GPR160: variants seen among roughly 807,000 people sequenced by gnomAD.
GPR160 encodes G protein-coupled receptor 160.
A neutral mutation model predicts 2.6 loss-of-function variants in GPR160; 2 were observed. The observed-to-expected ratio is 0.77, with a 90% CI of 0.32 to 2.44. The LOEUF is 2.44. GPR160 is among the 30% of genes most tolerant of loss of function. GPR160 has a pLI of 0.11. For missense variants in GPR160, 351 were observed against 383.6 expected (o/e 0.91, Z 0.71); for synonymous variants, 130 against 132.2 (o/e 0.98, Z 0.12).
At chr3:170,080,022 G>T (rs140268918) in intron 3 of GPR160, 125 bp downstream of exon 3, 3 of 152,210 alleles carry the variant, frequency 2.0e-5, no homozygotes, top group Admixed American at 2.0e-4. Context: ...GGGCCAGATC[G>T]TAAAGCAAGA....
chr3:170,062,851 G>C (rs2108328983), intron 2 of GPR160: 1 of 497,550 alleles, frequency 2.0e-6, no homozygotes, highest in East Asian at 4.0e-5. Context: ...AGTGAAGACT[G>C]ACCTCATCAA....
intron 2 of GPR160, among the ~76,000 whole-genome samples, chr3:170,039,780 T>TA (rs1335861774): frequency 1.3e-5 from 2 of 152,250 alleles, no homozygotes; most frequent in Non-Finnish European, 2.9e-5. Context: ...AAGGAAATTA[T>TA]AATAGTTCTG....
At chr3:170,056,224 GC>G (rs1711638402) in intron 2 of GPR160, among the ~76,000 whole-genome samples, 1 of 152,154 alleles carries the variant, frequency 6.6e-6, no homozygotes, top group African/African-American at 2.4e-5. Context: ...TGTAGAATTT[GC>G]AGTCAATAAA....
chr3:170,054,187 T>C (rs1417344864), intron 2 of GPR160, among the ~76,000 whole-genome samples: 2 of 151,562 alleles, frequency 1.3e-5, no homozygotes, highest in African/African-American at 4.8e-5. Context: ...TCATCATTAT[T>C]AGTCTCATGC....
chr3:170,080,648 T>C (rs191775635), intron 3 of GPR160, among the ~76,000 whole-genome samples: 1 of 152,196 alleles, frequency 6.6e-6, no homozygotes, highest in Non-Finnish European at 1.5e-5. Context: ...TGCCTCCACC[T>C]GTCAAGAGTC....
rs1012495782 is a variant in GPR160 at position 170,079,786 on chromosome 3, T to C, written c.-180T>C. 4 of 152,210 alleles carry C rather than the reference T, an allele frequency of 2.6e-5. No individual in the cohort carries two copies. Among genetic ancestry groups the C allele is most frequent in the Non-Finnish European group, 5.9e-5 (4 of 68,030 alleles). The allele number at this position is 152,210 out of a possible 1,614,324, so 9.4% of individuals were successfully genotyped here. On this transcript the variant is annotated 5_prime_UTR_variant, in exon 3 of 4. An upstream open reading frame in the 5' UTR loses its in-frame stop. Coordinates refer to ENST00000355897, the MANE Select transcript of GPR160 (RefSeq NM_014373.3). Reference sequence around the variant, plus strand: ...ATCTTTCACACAGAGCTTACTCACATAGCATATTGGTATATCAAAATGAAA... The same window carrying C: ...ATCTTTCACACAGAGCTTACTCACACAGCATATTGGTATATCAAAATGAAA...
Position 170,084,606 on chromosome 3 carries a change from AG to A in GPR160, c.636del (p.Ile213Ter). 6.2e-7 allele frequency: 1 copy of A among 1,612,918 alleles called. No individual in the cohort carries two copies. The highest frequency in any genetic ancestry group is 8.5e-7 in the Non-Finnish European group (1 of 1,178,908). On this transcript the variant is annotated frameshift_variant, in exon 4 of 4. Transcript: ENST00000355897. LOFTEE classifies it low-confidence loss of function (END_TRUNC). ...EEVTTLVQAI[R>X]ITSYMNETIL... ...AGTTACTACTTTGGTACAGGCTATC[AG>A]GATAACTTCCTATATGAATGAAACT...
intron 2 of GPR160, among the ~76,000 whole-genome samples, chr3:170,074,114 C>G (rs2108342090): frequency 6.6e-6 from 1 of 152,090 alleles, no homozygotes; most frequent in South Asian, 2.1e-4. Context: ...GGCTTGAACT[C>G]CTGACCTTAG....
intron 3 of GPR160, among the ~76,000 whole-genome samples, chr3:170,080,653 A>G (rs1270035657): frequency 3.9e-5 from 6 of 152,126 alleles, no homozygotes; most frequent in Admixed American, 1.3e-4. Context: ...CCACCTGTCA[A>G]GAGTCAATGA....
chr3:170,063,083 CGAAT>C (rs1289881287), intron 2 of GPR160: 4 of 158,878 alleles, frequency 2.5e-5, no homozygotes, highest in African/African-American at 7.3e-5. Flanking sequence ...AATGAATGAA[CGAAT>C]GAATGAATGA....
chr3:170,041,106 G>T (rs961146843), intron 2 of GPR160, among the ~76,000 whole-genome samples: 1 of 152,050 alleles, frequency 6.6e-6, no homozygotes, highest in East Asian at 1.9e-4. Flanking sequence ...AGGGAGGAAG[G>T]GGAGGTATAT....
chr3:170,055,926 G>T (rs1161956686), intron 2 of GPR160, among the ~76,000 whole-genome samples: 1 of 152,210 alleles, frequency 6.6e-6, no homozygotes, highest in East Asian at 1.9e-4. Context: ...GAGCCACTGC[G>T]CCCGGCCTTA....
chr3:170,070,369 G>C (rs1256494273), intron 2 of GPR160, among the ~76,000 whole-genome samples: 1 of 152,112 alleles, frequency 6.6e-6, no homozygotes. Context: ...TACAGGTTTG[G>C]TCGGGTTCTA....
intron 2 of GPR160, among the ~76,000 whole-genome samples, chr3:170,056,120 G>C (rs1189601930): frequency 6.6e-6 from 1 of 152,044 alleles, no homozygotes; most frequent in African/African-American, 2.4e-5. Flanking sequence ...TGAATGACTA[G>C]TACAAGGTAT....
intron 2 of GPR160, among the ~76,000 whole-genome samples, chr3:170,078,346 C>T (rs553098618): frequency 7.9e-5 from 12 of 152,160 alleles, no homozygotes; most frequent in African/African-American, 2.9e-4. Context: ...GGTAAAGGTG[C>T]CACAGAGGAG....
At chr3:170,041,746 GCT>G (rs753592206) in intron 2 of GPR160, among the ~76,000 whole-genome samples, 23 of 152,112 alleles carry the variant, frequency 1.5e-4, no homozygotes, top group Non-Finnish European at 3.1e-4. Context: ...TTGGTTTGTG[GCT>G]CTGTTTTCTT....
chr3:170,061,073 A>C (rs537612916), intron 2 of GPR160, among the ~76,000 whole-genome samples: 1 of 152,134 alleles, frequency 6.6e-6, no homozygotes, highest in South Asian at 2.1e-4. Context: ...TCAGGAGTTC[A>C]AGACCAGCCT....
At chr3:170,055,955 C>T (rs929112724) in intron 2 of GPR160, among the ~76,000 whole-genome samples, 2 of 152,220 alleles carry the variant, frequency 1.3e-5, no homozygotes, top group Admixed American at 6.5e-5. Context: ...TTTTAAACCT[C>T]TTCTGTGAGC....
intron 2 of GPR160, among the ~76,000 whole-genome samples, chr3:170,064,129 A>C (rs1712158173): frequency 6.6e-6 from 1 of 152,182 alleles, no homozygotes; most frequent in African/African-American, 2.4e-5. Context: ...TTTTTGTAGA[A>C]GAGATTGAGA....
Sources: allele counts gnomAD v4.1 joint callset (sites outside exome capture counted in the v4.1 genomes callset), GRCh38; gene constraint gnomAD v4.1.1; transcripts MANE v1.5; gene names NCBI Gene and HGNC (gene_info 2026-07-23, HGNC 2026-07-21).